Variants in ZCCHC4 observed in about 807,000 individuals in gnomAD.
ZCCHC4 encodes zinc finger CCHC-type containing 4.
Under a neutral mutation model 67.7 loss-of-function variants are expected in ZCCHC4, and 54 were observed. The ratio of observed to expected loss-of-function variants is 0.80; its 90% CI spans 0.64 to 1.00. The LOEUF (loss-of-function observed/expected upper bound fraction) is 1.00. ZCCHC4 is among the 50% of genes least tolerant of loss of function. The pLI is 0.00. For missense variants in ZCCHC4, 609 were observed against 617.0 expected (o/e 0.99, Z 0.14); for synonymous variants, 198 against 213.5 (o/e 0.93, Z 0.63).
rs778034816 is a variant in ZCCHC4, at chr4:25,334,032, T to C, written c.686+44T>C. Reference sequence around the variant, plus strand: ...GTATTTCCTTTCATTGTCTCCTGTTTCTTTTTAATGTTTTTCTGTTTTTAA... The same window carrying C: ...GTATTTCCTTTCATTGTCTCCTGTTCCTTTTTAATGTTTTTCTGTTTTTAA... On this transcript the variant is annotated intron_variant, in intron 5 of 12. Transcript: ENST00000302874. 8 of 1,311,154 alleles carry C rather than the reference T, an allele frequency of 6.1e-6. No individual in the cohort carries two copies. In the African/African-American group the frequency reaches 1.2e-4, roughly 20 times the overall value. The allele number at this position is 1,311,154 out of a possible 1,614,324, so 81.2% of individuals were successfully genotyped here.
At chr4:25,334,130 C>G in intron 5 of ZCCHC4, 142 bp downstream of exon 5, 2 of 484,648 alleles carry the variant, frequency 4.1e-6, no homozygotes, top group Non-Finnish European at 7.2e-6. Flanking sequence ...ACTTTTTAGT[C>G]GAATAAATTC....
At chr4:25,328,511 A>T (rs1577732794) in intron 3 of ZCCHC4, among the ~76,000 whole-genome samples, 1 of 152,222 alleles carries the variant, frequency 6.6e-6, no homozygotes, top group Admixed American at 6.5e-5. Context: ...AAGTGTTGGG[A>T]TTACAGGCTT....
intron 5 of ZCCHC4, among the ~76,000 whole-genome samples, chr4:25,339,299 T>C (rs1719614839): frequency 6.6e-6 from 1 of 152,212 alleles, no homozygotes; most frequent in African/African-American, 2.4e-5. Context: ...GTTCAGCCCT[T>C]ATACCTAGAA....
chr4:25,349,337 G>A (rs1322136060), intron 6 of ZCCHC4, among the ~76,000 whole-genome samples, 155 bp from the exon 7 acceptor site: 1 of 152,170 alleles, frequency 6.6e-6, no homozygotes, highest in African/African-American at 2.4e-5. Flanking sequence ...GCAAAGAGAG[G>A]CTTCAGAATG....
intron 5 of ZCCHC4, among the ~76,000 whole-genome samples, chr4:25,335,629 A>G (rs1161053841): frequency 6.6e-6 from 1 of 151,694 alleles, no homozygotes; most frequent in Admixed American, 6.6e-5. Flanking sequence ...GTGTGGTGGT[A>G]CGTGCCTATA....
intron 1 of ZCCHC4, among the ~76,000 whole-genome samples, chr4:25,313,631 T>C (rs1341646547): frequency 2.6e-5 from 4 of 152,148 alleles, no homozygotes; most frequent in African/African-American, 9.7e-5. Context: ...GTTCCAGCAC[T>C]TGGGGGGCCG....
intron 6 of ZCCHC4, among the ~76,000 whole-genome samples, chr4:25,346,462 C>G (rs746830365): frequency 6.6e-6 from 1 of 152,122 alleles, no homozygotes; most frequent in Non-Finnish European, 1.5e-5. Flanking sequence ...GCATATATAT[C>G]AATTTTGTAA....
At chr4:25,352,128 A>G in intron 8 of ZCCHC4, 1 of 986,468 alleles carries the variant, frequency 1.0e-6, no homozygotes, top group Non-Finnish European at 1.2e-6. Flanking sequence ...TGCACACTTT[A>G]CTGCATCACT....
intron 5 of ZCCHC4, among the ~76,000 whole-genome samples, chr4:25,336,133 A>G (rs1026222464): frequency 6.6e-6 from 1 of 152,228 alleles, no homozygotes; most frequent in African/African-American, 2.4e-5. Flanking sequence ...CATTTCTATC[A>G]TACTGAAAAG....
At chr4:25,354,703 G>A (rs1720443480) in intron 8 of ZCCHC4, among the ~76,000 whole-genome samples, 1 of 150,630 alleles carries the variant, frequency 6.6e-6, no homozygotes, top group Non-Finnish European at 1.5e-5. Flanking sequence ...TCTCTGTGTT[G>A]CCCAGGCTGG....
intron 3 of ZCCHC4, among the ~76,000 whole-genome samples, chr4:25,317,678 C>T (rs1370704552): frequency 7.6e-6 from 1 of 131,786 alleles, no homozygotes; most frequent in Admixed American, 9.0e-5. Flanking sequence ...ACACTCCAGC[C>T]CAGGTGACAG....
At position 25,324,014 on chromosome 4, in the gene ZCCHC4, G is replaced by GTTTT. The variant is rs71188998; in HGVS notation, c.329+8627_329+8630dup. Among the ~76,000 whole-genome samples, 21 of 82,430 alleles carry GTTTT rather than the reference G, an allele frequency of 2.5e-4. 2 individuals carry two copies. Among genetic ancestry groups the GTTTT allele is most frequent in the East Asian group, 1.4e-3 (4 of 2,812 alleles). 54.1% of individuals were successfully genotyped at this position (82,430 alleles called of 152,430 possible). A position where few individuals can be genotyped will look rare whatever the true frequency, so the allele number is the denominator to read the frequency against. ...TCGTACAGTATGTACTGTTTTTTGT[G>GTTTT]TTTTTTTTTTTTTTTTGAGACAGAG... On this transcript the variant is annotated intron_variant, in intron 3 of 12. Coordinates refer to ENST00000302874, the MANE Select transcript of ZCCHC4 (RefSeq NM_024936.3).
At chr4:25,321,638 G>A (rs559323499) in intron 3 of ZCCHC4, among the ~76,000 whole-genome samples, 1 of 152,118 alleles carries the variant, frequency 6.6e-6, no homozygotes, top group Non-Finnish European at 1.5e-5. Flanking sequence ...CTCCCAAAGT[G>A]CTGGGATTAC....
At chr4:25,346,005 G>A (rs1315213302) in intron 6 of ZCCHC4, among the ~76,000 whole-genome samples, 1 of 152,076 alleles carries the variant, frequency 6.6e-6, no homozygotes. Flanking sequence ...TGTTCCTGCT[G>A]GTTTCTGCTG....
At chr4:25,314,932 G>C (rs1350779863) in intron 2 of ZCCHC4, among the ~76,000 whole-genome samples, 4 of 152,118 alleles carry the variant, frequency 2.6e-5, no homozygotes, top group East Asian at 1.9e-4. Context: ...TCATGAGCTT[G>C]GTATCCTCTT....
At chr4:25,338,759 TCTA>T (rs1210044471) in intron 5 of ZCCHC4, among the ~76,000 whole-genome samples, 1 of 152,222 alleles carries the variant, frequency 6.6e-6, no homozygotes, top group African/African-American at 2.4e-5. Context: ...TGAATAATAT[TCTA>T]CTATACGGAT....
rs748891072 is a variant in ZCCHC4, at chr4:25,315,302, T to G, written c.247-16T>G. 2 of 1,605,348 alleles carry G rather than the reference T, an allele frequency of 1.2e-6. No individual in the cohort carries two copies. The highest frequency in any genetic ancestry group is 1.7e-6 in the Non-Finnish European group (2 of 1,176,092). On this transcript the variant is annotated splice_polypyrimidine_tract_variant and intron_variant, in intron 2 of 12. Transcript: ENST00000302874. ...TATTTCACAGTTTATTCAATGGGTT[T>G]TGTACTCTCTTTCAGTTGTCAGGAG... is the stretch of plus-strand genomic sequence containing the variant.
intron 6 of ZCCHC4, among the ~76,000 whole-genome samples, 185 bp from the exon 7 acceptor site, chr4:25,349,306 CA>C (rs1354000388): frequency 6.6e-6 from 1 of 152,034 alleles, no homozygotes; most frequent in Non-Finnish European, 1.5e-5. Context: ...TCAAAGAACC[CA>C]AAGATAAAAT....
intron 3 of ZCCHC4, 154 bp from the exon 4 acceptor site, chr4:25,333,029 G>C: frequency 1.4e-6 from 1 of 730,104 alleles, no homozygotes; most frequent in Non-Finnish European, 2.2e-6. Flanking sequence ...ATAAATTCTA[G>C]CCAACATTCC....
Sources: gnomAD v4.1 joint callset for allele counts (sites outside exome capture counted in the v4.1 genomes callset) on GRCh38, gnomAD v4.1.1 for gene constraint, MANE v1.5 for transcripts, NCBI Gene and HGNC (gene_info 2026-07-23, HGNC 2026-07-21) for gene names.